The following ADGB variants were observed in gnomAD, a reference collection of about 807,000 sequenced individuals.
ADGB encodes androglobin, also known as calpain-7-like protein.
Under a neutral mutation model 210.5 loss-of-function variants are expected in ADGB, and 172 were observed. That is an observed-to-expected ratio of 0.82 (90% CI 0.72 to 0.93). ADGB has a LOEUF of 0.93. ADGB is among the 40% of genes least tolerant of loss of function. ADGB has a pLI of 0.00. For synonymous variants in ADGB, 658 were observed against 662.7 expected, an observed-to-expected ratio of 0.99 and a Z score of 0.11; for missense variants, 2,025 against 1,964.8, an observed-to-expected ratio of 1.03 and a Z score of -0.58.
chr6:146,631,763 A>G (rs1348738307), intron 1 of ADGB, among the ~76,000 whole-genome samples: 14 of 152,120 alleles, frequency 9.2e-5, no homozygotes, highest in Non-Finnish European at 5.9e-5. Context: ...AGTACTGAGT[A>G]GTATAAAAAT....
intron 29 of ADGB, 71 bp from the exon 30 acceptor site, chr6:146,781,949 C>T (rs1353004514): frequency 1.3e-5 from 15 of 1,150,502 alleles, no homozygotes; most frequent in Non-Finnish European, 1.7e-5. Context: ...TGAGTTGATT[C>T]CCTTGTCCCC....
At chr6:146,648,335 A>G (rs1775651919) in intron 3 of ADGB, among the ~76,000 whole-genome samples, 1 of 152,070 alleles carries the variant, frequency 6.6e-6, no homozygotes, top group African/African-American at 2.4e-5. Context: ...TACAAACATT[A>G]GCCACTGTGT....
At chr6:146,731,649 C>G (rs535196175) in intron 20 of ADGB, among the ~76,000 whole-genome samples, 2 of 152,278 alleles carry the variant, frequency 1.3e-5, no homozygotes, top group African/African-American at 4.8e-5. Flanking sequence ...GTAGCAGAAA[C>G]CCTAATACCT....
In ADGB at chr6:146,752,546, C is replaced by T. The variant is rs1777339574; in HGVS notation, c.3382C>T (p.Leu1128=). The change falls in exon 27 of 36, where the codon CTA becomes TTA. Residue 1128 remains leucine (L), a synonymous_variant. Coordinates refer to ENST00000397944, the MANE Select transcript of ADGB (RefSeq NM_024694.4). ...KILFRYSVKV[L]TPQPATIQVR... The stretch of plus-strand genomic sequence containing the variant: ...TCTTTACAGGTATTCGGTTAAAGTT[C>T]TAACACCACAACCTGCTACAATACA... 6.5e-7 allele frequency: 1 copy of T among 1,544,150 alleles called. No homozygotes were observed. The highest frequency in any genetic ancestry group is 1.4e-5 in the African/African-American group (1 of 72,536).
intron 3 of ADGB, among the ~76,000 whole-genome samples, chr6:146,651,045 C>T (rs146593093): frequency 6.6e-6 from 1 of 152,174 alleles, no homozygotes; most frequent in African/African-American, 2.4e-5. Context: ...GTTCTTGAAG[C>T]CTGTTGACTT....
intron 25 of ADGB, among the ~76,000 whole-genome samples, chr6:146,741,504 G>A (rs73786726): frequency 0.028 from 4,213 of 152,090 alleles, 185 homozygotes; most frequent in African/African-American, 0.096. Context: ...AAGAAAATAT[G>A]ACAAAAAGAA....
intron 33 of ADGB, among the ~76,000 whole-genome samples, chr6:146,800,781 C>T (rs376881355): frequency 2.0e-5 from 3 of 152,222 alleles, no homozygotes; most frequent in South Asian, 4.1e-4. Flanking sequence ...ATCCCAAGCC[C>T]GGTAGTACTT....
chr6:146,605,565 A>T (rs1780619594), intron 1 of ADGB, among the ~76,000 whole-genome samples: 1 of 152,122 alleles, frequency 6.6e-6, no homozygotes, highest in Non-Finnish European at 1.5e-5. Flanking sequence ...AATTTAATTG[A>T]GTTGAACAGC....
chr6:146,687,174 G>A (rs1181430500), intron 10 of ADGB, among the ~76,000 whole-genome samples: 1 of 152,036 alleles, frequency 6.6e-6, no homozygotes, highest in Non-Finnish European at 1.5e-5. Context: ...TGGTTAAATA[G>A]CAGAAACAGC....
At chr6:146,783,644 G>A (rs1364995243) in intron 30 of ADGB, among the ~76,000 whole-genome samples, 1 of 152,124 alleles carries the variant, frequency 6.6e-6, no homozygotes, top group Non-Finnish European at 1.5e-5. Context: ...AGGTCATTTG[G>A]TAACACTAAA....
intron 19 of ADGB, among the ~76,000 whole-genome samples, chr6:146,727,016 G>T (rs780253308): frequency 6.6e-6 from 1 of 151,698 alleles, no homozygotes; most frequent in Non-Finnish European, 1.5e-5. Context: ...CTGTTCTGAC[G>T]GGGTCTGAAA....
chr6:146,811,147 C>T (rs1486239894), intron 35 of ADGB, among the ~76,000 whole-genome samples: 3 of 152,150 alleles, frequency 2.0e-5, no homozygotes, highest in Non-Finnish European at 4.4e-5. Context: ...ATGACCCCAG[C>T]TCCCAAAATA....
In ADGB at chr6:146,717,597, A is replaced by G; in HGVS notation, c.1990A>G (p.Lys664Glu). Reference protein sequence around the residue: ...YCLNFQKSEFKFSEERVSYYL... With the variant: ...YCLNFQKSEFEFSEERVSYYL... The stretch of plus-strand genomic sequence containing the variant: ...CCTTAACTTTCAAAAATCAGAATTT[A>G]AGGTAAGTATGTTAGAATCTTTTCT... The change falls in exon 16 of 36, where the codon AAG becomes GAG. Residue 664 changes from lysine (K) to glutamate (E), a missense_variant and splice_region_variant. Physicochemically the swap from Lys to Glu is moderately conservative, Grantham distance 56. Transcript: ENST00000397944. The G allele has an allele frequency of 7.1e-7, 1 of 1,402,796 alleles. No individual in the cohort carries two copies. The highest frequency in any genetic ancestry group is 1.3e-5 in the South Asian group (1 of 74,700). The allele number at this position is 1,402,796 out of a possible 1,614,324, so 86.9% of individuals were successfully genotyped here.
At chr6:146,674,731 G>T (rs1303738890) in intron 8 of ADGB, among the ~76,000 whole-genome samples, 1 of 152,178 alleles carries the variant, frequency 6.6e-6, no homozygotes, top group African/African-American at 2.4e-5. Flanking sequence ...GGACTCAGCT[G>T]CCAAGTTTAT....
chr6:146,787,659 AT>A (rs1777893320), intron 32 of ADGB, among the ~76,000 whole-genome samples: 1 of 68,262 alleles, frequency 1.5e-5, no homozygotes, highest in African/African-American at 6.5e-5. Flanking sequence ...GTACTTTCCT[AT>A]TGCCACCTTT....
At chr6:146,705,263 T>C (rs1233067341) in intron 13 of ADGB, among the ~76,000 whole-genome samples, 1 of 152,092 alleles carries the variant, frequency 6.6e-6, no homozygotes, top group Non-Finnish European at 1.5e-5. Context: ...TCTTTCCAAT[T>C]TGAGTGCCTT....
At chr6:146,757,397 T>C (rs1203388502) in intron 27 of ADGB, among the ~76,000 whole-genome samples, 2 of 152,044 alleles carry the variant, frequency 1.3e-5, no homozygotes, top group East Asian at 3.9e-4. Context: ...TAAATGCTTA[T>C]ATAGATTGAA....
chr6:146,624,751 A>G (rs867133007), intron 1 of ADGB, among the ~76,000 whole-genome samples: 2 of 152,036 alleles, frequency 1.3e-5, no homozygotes, highest in African/African-American at 4.8e-5. Context: ...CTGTAGTGGC[A>G]TTCCACAAAT....
chr6:146,811,417 A>T (rs1312523501), intron 35 of ADGB, among the ~76,000 whole-genome samples: 1 of 135,968 alleles, frequency 7.4e-6, no homozygotes, highest in African/African-American at 2.9e-5. Context: ...TTTTATATAT[A>T]CATGTATGTG....
Sources: gnomAD v4.1 joint callset for allele counts (sites outside exome capture counted in the v4.1 genomes callset) on GRCh38, gnomAD v4.1.1 for gene constraint, MANE v1.5 for transcripts, NCBI Gene and HGNC (gene_info 2026-07-23, HGNC 2026-07-21) for gene names.